TECRL: variants seen among roughly 807,000 people sequenced by gnomAD.
The protein encoded by TECRL is trans-2,3-enoyl-CoA reductase-like.
A neutral mutation model predicts 52.8 loss-of-function variants in TECRL; 63 were observed. The ratio of observed to expected loss-of-function variants is 1.19; its 90% CI spans 0.97 to 1.47. TECRL has a LOEUF of 1.47. Among genes scored for constraint, TECRL ranks in the 40% most tolerant of loss-of-function variants. TECRL has a pLI of 0.00. For missense variants in TECRL, 482 were observed against 429.6 expected, an observed-to-expected ratio of 1.12 and a Z score of -1.08; for synonymous variants, 164 against 141.9, an observed-to-expected ratio of 1.16 and a Z score of -1.10.
At chr4:64,396,988 C>G (rs1723999543) in intron 1 of TECRL, among the ~76,000 whole-genome samples, 1 of 151,990 alleles carries the variant, frequency 6.6e-6, no homozygotes, top group African/African-American at 2.4e-5. Context: ...TACTACAAGG[C>G]TACAATAACC....
intron 9 of TECRL, among the ~76,000 whole-genome samples, chr4:64,288,628 G>A (rs1357436291): frequency 6.6e-6 from 1 of 152,078 alleles, no homozygotes; most frequent in Non-Finnish European, 1.5e-5. Flanking sequence ...TCAGTGGTTG[G>A]ACTGAGAAGA....
At chr4:64,384,418 G>T (rs1385337538) in intron 1 of TECRL, among the ~76,000 whole-genome samples, 1 of 152,098 alleles carries the variant, frequency 6.6e-6, no homozygotes, top group Non-Finnish European at 1.5e-5. Flanking sequence ...AATGAGTGCT[G>T]TTAACTGTGG....
Position 64,319,530 on chromosome 4 carries a change from G to A in TECRL, c.435+3159C>T, listed in dbSNP as rs376165132. Among the ~76,000 whole-genome samples, 13 of 151,872 alleles carry A rather than the reference G, an allele frequency of 8.6e-5. No homozygotes were observed. In the South Asian group the frequency reaches 2.3e-3, roughly 27 times the overall value. On this transcript the variant is annotated intron_variant, in intron 4 of 11. Coordinates refer to ENST00000381210, the MANE Select transcript of TECRL (RefSeq NM_001010874.5). ...GATGAAAAGACAAGTTAAAGAAGGA[G>A]AGAAAATATTTCCAAACCACATATA...
intron 1 of TECRL, 143 bp downstream of exon 1, chr4:64,408,975 T>A: frequency 4.3e-6 from 3 of 695,982 alleles, no homozygotes; most frequent in Non-Finnish European, 7.0e-6. Flanking sequence ...AAAGTATGCA[T>A]CCTGTTCACC....
intron 9 of TECRL, among the ~76,000 whole-genome samples, chr4:64,288,161 A>G (rs1159535758): frequency 6.6e-6 from 1 of 152,062 alleles, no homozygotes; most frequent in Non-Finnish European, 1.5e-5. Context: ...AAAAAAAAAA[A>G]AAGAAAAGAA....
chr4:64,398,099 T>G (rs1192164665), intron 1 of TECRL, among the ~76,000 whole-genome samples: 1 of 152,168 alleles, frequency 6.6e-6, no homozygotes, highest in Non-Finnish European at 1.5e-5. Flanking sequence ...AGTAGTTTGA[T>G]ACATTTAATG....
At chr4:64,281,581 T>A (rs61736172) in intron 9 of TECRL, 22 bp from the exon 10 acceptor site, 1 of 1,344,316 alleles carries the variant, frequency 7.4e-7, no homozygotes, top group Non-Finnish European at 1.1e-6. Flanking sequence ...GAAAGTAAAA[T>A]GTCAATGATG....
chr4:64,402,546 G>A (rs1724425225), intron 1 of TECRL, among the ~76,000 whole-genome samples: 1 of 152,048 alleles, frequency 6.6e-6, no homozygotes, highest in Non-Finnish European at 1.5e-5. Flanking sequence ...GGCACATAAA[G>A]GAGTTGTCAT....
At chr4:64,329,377 G>T (rs1430622115) in intron 2 of TECRL, among the ~76,000 whole-genome samples, 1 of 151,660 alleles carries the variant, frequency 6.6e-6, no homozygotes, top group Non-Finnish European at 1.5e-5. Context: ...ACATTCATGG[G>T]AGAAAGCAGA....
At chr4:64,388,835 T>C (rs1723356384) in intron 1 of TECRL, among the ~76,000 whole-genome samples, 1 of 151,906 alleles carries the variant, frequency 6.6e-6, no homozygotes, top group South Asian at 2.1e-4. Flanking sequence ...TGAATATGCA[T>C]AAATAACAAT....
intron 3 of TECRL, among the ~76,000 whole-genome samples, chr4:64,326,114 C>A (rs565448362): frequency 1.6e-4 from 24 of 152,172 alleles, no homozygotes; most frequent in Non-Finnish European, 2.9e-4. Flanking sequence ...TATTCCCTCC[C>A]AAGTATGGGC....
intron 1 of TECRL, among the ~76,000 whole-genome samples, chr4:64,390,724 GACGTA>G (rs1218786244): frequency 2.6e-5 from 4 of 151,714 alleles, no homozygotes; most frequent in Admixed American, 2.0e-4. Flanking sequence ...TAAATCTACT[GACGTA>G]AAGAAACCTC....
At chr4:64,373,403 A>G (rs573416926) in intron 2 of TECRL, among the ~76,000 whole-genome samples, 1 of 151,974 alleles carries the variant, frequency 6.6e-6, no homozygotes, top group Non-Finnish European at 1.5e-5. Context: ...TACTTTTGCA[A>G]CAGGACATTT....
chr4:64,406,385 T>C (rs1724728545), intron 1 of TECRL, among the ~76,000 whole-genome samples: 1 of 151,938 alleles, frequency 6.6e-6, no homozygotes, highest in African/African-American at 2.4e-5. Context: ...AATATATCTA[T>C]CCTAAGCATT....
In TECRL at chr4:64,281,075, C is replaced by A. The variant is rs747631311; in HGVS notation, c.930G>T (p.Trp310Cys). The A allele has an allele frequency of 1.9e-6, 3 of 1,601,280 alleles. No homozygotes were observed. The highest frequency in any genetic ancestry group is 2.6e-6 in the Non-Finnish European group (3 of 1,171,864). Residue 310 changes from tryptophan (W) to cysteine (C), a missense_variant, in exon 11 of 12, where the codon TGG becomes TGT. By Grantham distance (215) the Trp-to-Cys change is radical (BLOSUM62 -2). Coordinates refer to ENST00000381210, the MANE Select transcript of TECRL (RefSeq NM_001010874.5). ...CPNYTYEIGS[W>C]ISFTVMTQTL... ...TTTGTGTCATGACTGTGAAACTAATCCATGATCCAATCTGTTATATTAAAA... is the reference window on the plus strand; with the variant it reads ...TTTGTGTCATGACTGTGAAACTAATACATGATCCAATCTGTTATATTAAAA...
At chr4:64,319,361 G>T (rs1412102137) in intron 4 of TECRL, among the ~76,000 whole-genome samples, 1 of 151,736 alleles carries the variant, frequency 6.6e-6, no homozygotes, top group African/African-American at 2.4e-5. Context: ...ATAAGAAAAT[G>T]CAGGAGAGAA....
chr4:64,356,822 C>T (rs1388097644), intron 2 of TECRL, among the ~76,000 whole-genome samples: 1 of 152,142 alleles, frequency 6.6e-6, no homozygotes, highest in African/African-American at 2.4e-5. Context: ...TCTCTCATCC[C>T]ACCTGATGAG....
At chr4:64,354,379 G>C (rs1232370627) in intron 2 of TECRL, among the ~76,000 whole-genome samples, 1 of 152,140 alleles carries the variant, frequency 6.6e-6, no homozygotes, top group African/African-American at 2.4e-5. Flanking sequence ...AGGATGGTAA[G>C]TAATATAAGA....
At chr4:64,392,421 A>G (rs1201473266) in intron 1 of TECRL, among the ~76,000 whole-genome samples, 2 of 151,932 alleles carry the variant, frequency 1.3e-5, no homozygotes, top group Non-Finnish European at 2.9e-5. Flanking sequence ...AAGAAATGCA[A>G]AACCCCTTCT....
Sources: allele counts gnomAD v4.1 joint callset (sites outside exome capture counted in the v4.1 genomes callset), GRCh38; gene constraint gnomAD v4.1.1; transcripts MANE v1.5; gene names NCBI Gene and HGNC (gene_info 2026-07-23, HGNC 2026-07-21).